The following SLC17A5 variants were observed in gnomAD, a reference collection of about 807,000 sequenced individuals.
SLC17A5 encodes sialin.
A neutral mutation model predicts 59.4 loss-of-function variants in SLC17A5; 47 were observed. The observed-to-expected ratio is 0.79, with a 90% CI of 0.63 to 1.01. SLC17A5 has a LOEUF of 1.01. Ranked by LOEUF, SLC17A5 falls within the 50% of genes least tolerant of loss-of-function variation. SLC17A5 has a pLI of 0.00. For synonymous variants in SLC17A5, 202 were observed against 210.7 expected (o/e 0.96, Z 0.36); for missense variants, 522 against 595.5 (o/e 0.88, Z 1.28).
intron 3 of SLC17A5, among the ~76,000 whole-genome samples, chr6:73,639,633 T>C (rs979883640): frequency 6.6e-6 from 1 of 152,194 alleles, no homozygotes; most frequent in African/African-American, 2.4e-5. Context: ...GTGAATCAGA[T>C]GGTAGGAATG....
intron 6 of SLC17A5, among the ~76,000 whole-genome samples, chr6:73,623,195 T>C (rs1371778378): frequency 6.6e-6 from 1 of 151,708 alleles, no homozygotes; most frequent in Non-Finnish European, 1.5e-5. Context: ...TGCACCACCA[T>C]GCCTGACTAA....
chr6:73,653,502 C>T (rs933953412), intron 1 of SLC17A5: 313 of 913,038 alleles, frequency 3.4e-4, no homozygotes, highest in Non-Finnish European at 3.9e-4. Flanking sequence ...CGCCGCTCCC[C>T]CGCCCCCGCC....
chr6:73,598,059 T>G (rs1766897781), intron 10 of SLC17A5, among the ~76,000 whole-genome samples: 1 of 152,210 alleles, frequency 6.6e-6, no homozygotes, highest in East Asian at 1.9e-4. Flanking sequence ...TGAAACAGCT[T>G]CTTAGGATTA....
chr6:73,653,736 A>ACCG (rs1279595932), intron 1 of SLC17A5, 57 bp downstream of exon 1: 1 of 1,478,680 alleles, frequency 6.8e-7, no homozygotes, highest in African/African-American at 1.4e-5. Context: ...CGGCCCAGAG[A>ACCG]CCGCCGCCCC....
rs189843304 is a variant in SLC17A5, at chr6:73,645,967, A to C, written c.95-1364T>G. ...GAGAGGGATAGGATTCAGGATGCTG[A>C]CTAAGGATAATCAACCTCTTAGTAA... On this transcript the variant is annotated intron_variant, in intron 1 of 10. Transcript: ENST00000355773. 1.1e-4 allele frequency among the ~76,000 whole-genome samples: 16 copies of C among 152,238 alleles called. No individual in the cohort carries two copies. In the East Asian group the frequency reaches 2.3e-3, roughly 22 times the overall value.
At chr6:73,603,712 G>A (rs1056076850) in intron 9 of SLC17A5, among the ~76,000 whole-genome samples, 5 of 152,096 alleles carry the variant, frequency 3.3e-5, no homozygotes, top group East Asian at 1.9e-4. Flanking sequence ...GAGCCACTGC[G>A]CCTGGCCTAA....
chr6:73,602,434 A>AT (rs1374743627), intron 9 of SLC17A5, among the ~76,000 whole-genome samples: 9 of 135,160 alleles, frequency 6.7e-5, no homozygotes, highest in African/African-American at 2.3e-4. Context: ...AGAATGATCA[A>AT]TAAAAAAAAT....
At chr6:73,653,028 T>C (rs1477164749) in intron 1 of SLC17A5, 35 of 985,050 alleles carry the variant, frequency 3.6e-5, no homozygotes, top group Non-Finnish European at 4.0e-5. Flanking sequence ...TGCTTTTCGA[T>C]TTGTTCCAAG....
chr6:73,630,622 G>A (rs1370896664), intron 6 of SLC17A5, among the ~76,000 whole-genome samples: 1 of 152,112 alleles, frequency 6.6e-6, no homozygotes, highest in Non-Finnish European at 1.5e-5. Context: ...CTGACTTCCA[G>A]CTGTTCCTCC....
intron 7 of SLC17A5, among the ~76,000 whole-genome samples, chr6:73,621,335 C>T (rs1217542946): frequency 6.6e-6 from 1 of 152,130 alleles, no homozygotes. Flanking sequence ...GACAGGGTTT[C>T]ACCATGTTGC....
At chr6:73,639,274 C>A (rs1305753460) in intron 3 of SLC17A5, among the ~76,000 whole-genome samples, 2 of 152,126 alleles carry the variant, frequency 1.3e-5, no homozygotes, top group Non-Finnish European at 2.9e-5. Flanking sequence ...CTCTGTGTCA[C>A]TTCAGAAAGA....
intron 7 of SLC17A5, among the ~76,000 whole-genome samples, chr6:73,617,905 A>C (rs1767943251): frequency 6.6e-6 from 1 of 151,836 alleles, no homozygotes; most frequent in Non-Finnish European, 1.5e-5. Context: ...CAAGGATAAG[A>C]TCCCTTGTAT....
At chr6:73,653,580 C>A (rs1373804678) in intron 1 of SLC17A5, 1 of 782,880 alleles carries the variant, frequency 1.3e-6, no homozygotes, top group African/African-American at 1.9e-5. Flanking sequence ...CGATCACGGT[C>A]GCGGCCCCCG....
In SLC17A5 at chr6:73,597,575, T is replaced by C. The variant is rs147449689; in HGVS notation, c.1351-2361A>G. On this transcript the variant is annotated intron_variant, in intron 10 of 10. Coordinates refer to ENST00000355773, the MANE Select transcript of SLC17A5 (RefSeq NM_012434.5). ...CGAGGTAGGTGGCTACCTTGAGCCC[T>C]GGAGTTTGAGACCAGCCTGGGCAAG... 1.7e-3 allele frequency among the ~76,000 whole-genome samples: 263 copies of C among 152,190 alleles called. 1 individual carries two copies. Among genetic ancestry groups the C allele is most frequent in the African/African-American group, 5.9e-3 (247 of 41,534 alleles).
chr6:73,639,391 T>C (rs781739360), intron 3 of SLC17A5, among the ~76,000 whole-genome samples: 5 of 152,236 alleles, frequency 3.3e-5, no homozygotes, highest in African/African-American at 7.2e-5. Flanking sequence ...TAATACTTTG[T>C]ACTTTCCGCT....
At chr6:73,641,664 G>C (rs1769290313) in intron 3 of SLC17A5, 27 bp downstream of exon 3, 2 of 1,512,170 alleles carry the variant, frequency 1.3e-6, no homozygotes, top group East Asian at 4.5e-5. Context: ...ACGGTAAGAA[G>C]TAAAACAAGA....
chr6:73,608,472 C>T (rs1767496195), intron 9 of SLC17A5, among the ~76,000 whole-genome samples: 1 of 152,106 alleles, frequency 6.6e-6, no homozygotes, highest in Admixed American at 6.6e-5. Context: ...CTGTAAAAGA[C>T]AGAGAGTGAG....
chr6:73,628,863 G>A (rs927100937), intron 6 of SLC17A5, among the ~76,000 whole-genome samples: 4 of 151,854 alleles, frequency 2.6e-5, no homozygotes, highest in Non-Finnish European at 5.9e-5. Flanking sequence ...AAGATCACTC[G>A]ACAAATACTT....
intron 6 of SLC17A5, among the ~76,000 whole-genome samples, chr6:73,624,329 G>A (rs1032201235): frequency 7.2e-5 from 11 of 152,084 alleles, no homozygotes; most frequent in East Asian, 1.9e-4. Context: ...GCTTGAACCC[G>A]GGAGGTGGAG....
Sources: allele counts gnomAD v4.1 joint callset (sites outside exome capture counted in the v4.1 genomes callset), GRCh38; gene constraint gnomAD v4.1.1; transcripts MANE v1.5; gene names NCBI Gene and HGNC (gene_info 2026-07-23, HGNC 2026-07-21).